The following CACNA2D3 variants were observed in gnomAD, a reference collection of about 807,000 sequenced individuals.
CACNA2D3 encodes the protein voltage-dependent calcium channel subunit alpha-2/delta-3.
In CACNA2D3, 60 loss-of-function variants were observed where a neutral mutation model predicts 160.6. The ratio of observed to expected loss-of-function variants is 0.37; its 90% CI spans 0.30 to 0.46. CACNA2D3 has a LOEUF of 0.46. CACNA2D3 is among the 20% of genes least tolerant of loss of function. The pLI, the probability that CACNA2D3 is intolerant of heterozygous loss-of-function variation, is 1.00. For synonymous variants in CACNA2D3, 558 were observed against 492.9 expected (o/e 1.13, Z -1.75); for missense variants, 1,205 against 1,365.0 (o/e 0.88, Z 1.85).
At chr3:54,733,582 G>A (rs545876118) in intron 11 of CACNA2D3, among the ~76,000 whole-genome samples, 5 of 152,144 alleles carry the variant, frequency 3.3e-5, no homozygotes, top group South Asian at 2.1e-4. Context: ...TAGGCCTCCC[G>A]GGCCCTTTCA....
intron 2 of CACNA2D3, among the ~76,000 whole-genome samples, chr3:54,236,006 T>TA (rs1701866555): frequency 6.6e-6 from 1 of 152,184 alleles, no homozygotes; most frequent in African/African-American, 2.4e-5. Flanking sequence ...GTACCCTTGA[T>TA]AAGATGTGAT....
chr3:54,886,452 A>G (rs1487963338), intron 23 of CACNA2D3, among the ~76,000 whole-genome samples: 1 of 152,198 alleles, frequency 6.6e-6, no homozygotes, highest in Non-Finnish European at 1.5e-5. Flanking sequence ...CAATATGAAT[A>G]ATACATTTGT....
chr3:55,034,477 C>G (rs992020851), intron 35 of CACNA2D3, among the ~76,000 whole-genome samples: 4 of 151,690 alleles, frequency 2.6e-5, no homozygotes, highest in Non-Finnish European at 5.9e-5. Context: ...ACCATTTTTC[C>G]TATATATTGC....
chr3:54,927,793 A>G, intron 27 of CACNA2D3: 1 of 1,126,498 alleles, frequency 8.9e-7, no homozygotes, highest in Non-Finnish European at 1.4e-6. Flanking sequence ...ATATCTGTCC[A>G]GTCTTTTAAG....
chr3:55,005,833 A>G (rs886466538), intron 32 of CACNA2D3, among the ~76,000 whole-genome samples: 2 of 152,222 alleles, frequency 1.3e-5, no homozygotes, highest in Non-Finnish European at 2.9e-5. Context: ...AACCCTTACA[A>G]TGTTATTATT....
At chr3:54,374,572 T>G (rs1698977169) in intron 3 of CACNA2D3, among the ~76,000 whole-genome samples, 1 of 152,220 alleles carries the variant, frequency 6.6e-6, no homozygotes, top group Non-Finnish European at 1.5e-5. Context: ...CTATGAGATT[T>G]TATCATACCT....
chr3:54,953,661 C>T (rs1321048195), intron 27 of CACNA2D3, among the ~76,000 whole-genome samples: 2 of 152,230 alleles, frequency 1.3e-5, no homozygotes, highest in African/African-American at 2.4e-5. Context: ...TCCCCAGGAG[C>T]TGGGAAGGAG....
At chr3:54,203,997 C>T (rs1701223176) in intron 2 of CACNA2D3, among the ~76,000 whole-genome samples, 1 of 152,164 alleles carries the variant, frequency 6.6e-6, no homozygotes, top group Admixed American at 6.5e-5. Context: ...CCCTTCTCTA[C>T]TGTGCACTTC....
chr3:54,712,179 A>C (rs908223878), intron 11 of CACNA2D3, among the ~76,000 whole-genome samples: 4 of 152,154 alleles, frequency 2.6e-5, no homozygotes, highest in African/African-American at 9.7e-5. Flanking sequence ...GCCTACCTGT[A>C]TTCATTTCCT....
intron 12 of CACNA2D3, among the ~76,000 whole-genome samples, chr3:54,753,915 A>G (rs967104670): frequency 1.3e-5 from 2 of 152,232 alleles, no homozygotes; most frequent in African/African-American, 4.8e-5. Flanking sequence ...ATTTTCAAGT[A>G]TATAACACAT....
At chr3:54,929,438 G>A (rs550727770) in intron 27 of CACNA2D3, among the ~76,000 whole-genome samples, 1 of 152,310 alleles carries the variant, frequency 6.6e-6, no homozygotes, top group South Asian at 2.1e-4. Context: ...CCACTCTGCA[G>A]GTACAAAGGG....
chr3:54,491,263 T>G (rs1701104288), intron 4 of CACNA2D3, among the ~76,000 whole-genome samples: 2 of 152,186 alleles, frequency 1.3e-5, no homozygotes, highest in Non-Finnish European at 2.9e-5. Flanking sequence ...GCCAGTTGGC[T>G]CTACAGCATG....
intron 3 of CACNA2D3, among the ~76,000 whole-genome samples, chr3:54,384,053 G>A (rs1053843937): frequency 6.6e-6 from 1 of 151,902 alleles, no homozygotes; most frequent in African/African-American, 2.4e-5. Context: ...ATTTCAACTT[G>A]CCTATTATTT....
intron 13 of CACNA2D3, among the ~76,000 whole-genome samples, chr3:54,798,090 A>T (rs969176252): frequency 1.2e-4 from 18 of 152,240 alleles, no homozygotes; most frequent in Admixed American, 1.0e-3. Context: ...TGTATTATAA[A>T]GTTATCAAAT....
At chr3:54,417,344 G>A (rs899189905) in intron 4 of CACNA2D3, among the ~76,000 whole-genome samples, 1 of 152,180 alleles carries the variant, frequency 6.6e-6, no homozygotes, top group South Asian at 2.1e-4. Flanking sequence ...TAATTTTCTT[G>A]TTTGGAGTAT....
chr3:54,583,159 A>G (rs868842584), intron 9 of CACNA2D3, among the ~76,000 whole-genome samples: 20 of 152,200 alleles, frequency 1.3e-4, no homozygotes, highest in African/African-American at 4.8e-4. Flanking sequence ...TAATATTGTA[A>G]TATCCTCCAG....
At chr3:54,836,135 A>C (rs1698674315) in intron 14 of CACNA2D3, among the ~76,000 whole-genome samples, 1 of 152,062 alleles carries the variant, frequency 6.6e-6, no homozygotes, top group Admixed American at 6.5e-5. Flanking sequence ...AAGCAGGTGC[A>C]ATGGTGTGTC....
chr3:54,766,741 G>A (rs1245251923), intron 13 of CACNA2D3, among the ~76,000 whole-genome samples: 1 of 152,040 alleles, frequency 6.6e-6, no homozygotes, highest in Non-Finnish European at 1.5e-5. Context: ...ACACCTAATG[G>A]AGTCAATATT....
chr3:54,196,491 C>G (rs1382639500), intron 2 of CACNA2D3, among the ~76,000 whole-genome samples: 1 of 152,198 alleles, frequency 6.6e-6, no homozygotes, highest in Admixed American at 6.5e-5. Context: ...GCCTCCTGCC[C>G]ACGTCACAGC....
Sources: allele counts gnomAD v4.1 joint callset (sites outside exome capture counted in the v4.1 genomes callset), GRCh38; gene constraint gnomAD v4.1.1; transcripts MANE v1.5; gene names NCBI Gene and HGNC (gene_info 2026-07-23, HGNC 2026-07-21).